The following VIPAS39 variants were observed in gnomAD, a reference collection of about 807,000 sequenced individuals.
VIPAS39 encodes spermatogenesis-defective protein 39 homolog.
In VIPAS39, 63 loss-of-function variants were observed where a neutral mutation model predicts 84.7. The ratio of observed to expected loss-of-function variants is 0.74; its 90% CI spans 0.61 to 0.92. The LOEUF (loss-of-function observed/expected upper bound fraction) is 0.92, where lower values mean the gene tolerates loss of function less well. VIPAS39 is among the 40% of genes least tolerant of loss of function. VIPAS39 has a pLI of 0.00. For missense variants in VIPAS39, 499 were observed against 604.5 expected, an observed-to-expected ratio of 0.83 and a Z score of 1.83; for synonymous variants, 192 against 216.5, an observed-to-expected ratio of 0.89 and a Z score of 0.99.
In VIPAS39 at chr14:77,457,523, G is replaced by A; in HGVS notation, c.-29C>T. On this transcript the variant is annotated 5_prime_UTR_variant, in exon 1 of 20. Transcript: ENST00000557658. ...TTCCGCACAGAGCCCTCCCTCTCAG[G>A]ACAGCGCCAGCCTCCGCCGCCGCTG... 1 of 879,698 alleles carries A rather than the reference G, an allele frequency of 1.1e-6. No homozygotes were observed. Among genetic ancestry groups the A allele is most frequent in the Non-Finnish European group, 1.7e-6 (1 of 580,046 alleles). 54.5% of individuals were successfully genotyped at this position (879,698 alleles called of 1,614,324 possible). A position where few individuals can be genotyped will look rare whatever the true frequency, so the allele number is the denominator to read the frequency against.
intron 1 of VIPAS39, among the ~76,000 whole-genome samples, chr14:77,454,456 C>T (rs1235549380): frequency 1.3e-5 from 2 of 152,108 alleles, no homozygotes; most frequent in Non-Finnish European, 2.9e-5. Flanking sequence ...AGGCAGAACA[C>T]CTGAGGTCAG....
At chr14:77,445,933 C>G (rs1248815028) in intron 7 of VIPAS39, among the ~76,000 whole-genome samples, 3 of 140,210 alleles carry the variant, frequency 2.1e-5, no homozygotes, top group African/African-American at 7.7e-5. Context: ...GAAGGAGACT[C>G]CATCTCAAAA....
At position 77,435,280 on chromosome 14, in the gene VIPAS39, G is replaced by A. The variant is rs1177390278; in HGVS notation, c.1026C>T (p.Phe342=). The A allele has an allele frequency of 6.2e-7, 1 of 1,614,176 alleles. No individual in the cohort carries two copies. Among genetic ancestry groups the A allele is most frequent in the South Asian group, 1.1e-5 (1 of 91,074 alleles). The change falls in exon 14 of 20, where the codon TTC becomes TTT. Residue 342 remains phenylalanine, a synonymous_variant. Transcript: ENST00000557658. ...GTACCTCAGCCTCTGTGTAGTGATA[G>A]AAGCAGGAGTAGAAAAGTGTTGTCA... is the stretch of plus-strand genomic sequence containing the variant. ...PLVTTLFYSC[F]YHYTEAEGTF...
In VIPAS39 at chr14:77,428,988, C is replaced by T; in HGVS notation, c.1356+18G>A. On this transcript the variant is annotated intron_variant, in intron 18 of 19. Transcript: ENST00000557658. ...CACTGAGGATCTAACGGAGGACTCC[C>T]ATTTCTTGGGGACTCACATCAATGA... 1 of 1,611,620 alleles carries T rather than the reference C, an allele frequency of 6.2e-7. No homozygotes were observed. Among genetic ancestry groups the T allele is most frequent in the East Asian group, 2.2e-5 (1 of 44,864 alleles).
chr14:77,435,027 A>C, intron 14 of VIPAS39: 1 of 581,196 alleles, frequency 1.7e-6, no homozygotes, highest in Non-Finnish European at 3.0e-6. Flanking sequence ...CCAGGGACAG[A>C]ACTTGCTATG....
chr14:77,443,818 A>G (rs61990354), intron 8 of VIPAS39, among the ~76,000 whole-genome samples: 171 of 149,068 alleles, frequency 1.1e-3, no homozygotes, highest in Non-Finnish European at 2.1e-3. Flanking sequence ...TCACACAGTG[A>G]GCCAAGATTG....
intron 8 of VIPAS39, among the ~76,000 whole-genome samples, chr14:77,444,040 C>CAA (rs2078746221): frequency 1.1e-5 from 1 of 95,158 alleles, no homozygotes; most frequent in Non-Finnish European, 2.3e-5. Context: ...GACCCTGTCT[C>CAA]CAAAAAAAAA....
In VIPAS39 at chr14:77,456,450, CTG is replaced by C. The variant is rs141249332; in HGVS notation, c.-1+1043_-1+1044del. 9.1e-4 allele frequency among the ~76,000 whole-genome samples: 138 copies of C among 152,324 alleles called. 3 individuals carry two copies. The East Asian group carries it at 0.026, about 28-fold the overall frequency. On this transcript the variant is annotated intron_variant, in intron 1 of 19. Coordinates refer to ENST00000557658, the MANE Select transcript of VIPAS39 (RefSeq NM_001193315.2). ...CACACATGTCAGTTCATAAATCACTCTGTCATTCGTTTGATCCTCAGAACAAT... is the reference window on the plus strand; with the variant it reads ...CACACATGTCAGTTCATAAATCACTCTCATTCGTTTGATCCTCAGAACAAT...
Position 77,457,533 on chromosome 14 carries a change from G to C in VIPAS39, c.-39C>G. On this transcript the variant is annotated 5_prime_UTR_variant, in exon 1 of 20. Coordinates refer to ENST00000557658, the MANE Select transcript of VIPAS39 (RefSeq NM_001193315.2). The stretch of plus-strand genomic sequence containing the variant: ...AGCCCTCCCTCTCAGGACAGCGCCA[G>C]CCTCCGCCGCCGCTGGACCAGCCCT... The C allele has an allele frequency of 1.3e-6, 1 of 756,354 alleles. No homozygotes were observed. The highest frequency in any genetic ancestry group is 2.1e-6 in the Non-Finnish European group (1 of 472,870). 46.9% of individuals were successfully genotyped at this position (756,354 alleles called of 1,614,324 possible). A position where few individuals can be genotyped will look rare whatever the true frequency, so the allele number is the denominator to read the frequency against.
chr14:77,447,059 A>C (rs1187037690), intron 7 of VIPAS39, among the ~76,000 whole-genome samples: 2 of 127,488 alleles, frequency 1.6e-5, no homozygotes, highest in African/African-American at 5.6e-5. Flanking sequence ...TTTTTTTTTT[A>C]AGATGGAGTT....
intron 19 of VIPAS39, 134 bp downstream of exon 19, chr14:77,428,236 G>T (rs2078461324): frequency 2.6e-6 from 2 of 776,270 alleles, no homozygotes; most frequent in Non-Finnish European, 4.4e-6. Flanking sequence ...TGACATTGTG[G>T]CCAGAGGAGA....
At chr14:77,457,439 G>A (rs1467838900) in intron 1 of VIPAS39, 56 bp downstream of exon 1, 4 of 1,524,954 alleles carry the variant, frequency 2.6e-6, no homozygotes, top group Non-Finnish European at 3.5e-6. Flanking sequence ...AGATCAAGAT[G>A]CGGAGAGGCT....
intron 16 of VIPAS39, among the ~76,000 whole-genome samples, chr14:77,430,821 G>C (rs1340284004): frequency 1.3e-5 from 2 of 151,936 alleles, no homozygotes; most frequent in African/African-American, 4.8e-5. Context: ...AACAGTACGG[G>C]GCTGGCATAA....
chr14:77,434,153 C>A, intron 15 of VIPAS39, 109 bp downstream of exon 15: 2 of 1,304,418 alleles, frequency 1.5e-6, no homozygotes, highest in Non-Finnish European at 2.2e-6. Context: ...TCCTTTCCAC[C>A]TTTAACCTTG....
At chr14:77,445,906 C>T (rs971514602) in intron 7 of VIPAS39, among the ~76,000 whole-genome samples, 1 of 149,460 alleles carries the variant, frequency 6.7e-6, no homozygotes, top group Admixed American at 6.7e-5. Context: ...CACCACTGCA[C>T]TCCAGCCCGG....
rs769112384 is a variant in VIPAS39, at chr14:77,429,038, T to C, written c.1324A>G (p.Thr442Ala). Residue 442 changes from threonine to alanine, a missense_variant, in exon 18 of 20, where the codon ACT becomes GCT. Coordinates refer to ENST00000557658, the MANE Select transcript of VIPAS39 (RefSeq NM_001193315.2). Reference sequence around the variant, plus strand: ...ACGACATCATGGCACTTGAACTTAGTGGCTAAGTTCAACTTCGTGTCCACA... The same window carrying C: ...ACGACATCATGGCACTTGAACTTAGCGGCTAAGTTCAACTTCGTGTCCACA... ...EDVDTKLNLA[T>A]KFKCHDVVID... 1.4e-5 allele frequency: 23 copies of C among 1,614,040 alleles called. No homozygotes were observed. The highest frequency in any genetic ancestry group is 1.9e-5 in the Non-Finnish European group (23 of 1,179,914).
chr14:77,448,400 A>G (rs2078830298), intron 7 of VIPAS39, 94 bp downstream of exon 7: 8 of 1,246,026 alleles, frequency 6.4e-6, no homozygotes, highest in Non-Finnish European at 9.5e-6. Flanking sequence ...AATTCATTGA[A>G]CAAATGAGAA....
chr14:77,437,728 C>T, intron 12 of VIPAS39, 80 bp downstream of exon 12: 1 of 1,444,258 alleles, frequency 6.9e-7, no homozygotes, highest in South Asian at 1.1e-5. Context: ...TCCTGCCTAT[C>T]CATTCCACCC....
At chr14:77,440,644 C>T (rs1000546081) in intron 11 of VIPAS39, 7 of 167,580 alleles carry the variant, frequency 4.2e-5, no homozygotes, top group African/African-American at 1.7e-4. Flanking sequence ...TTCCAGGTGC[C>T]TCTCTCTTCT....
Sources: allele counts gnomAD v4.1 joint callset (sites outside exome capture counted in the v4.1 genomes callset), GRCh38; gene constraint gnomAD v4.1.1; transcripts MANE v1.5; gene names NCBI Gene and HGNC (gene_info 2026-07-23, HGNC 2026-07-21).